The following RABGAP1L variants were observed in gnomAD, a reference collection of about 807,000 sequenced individuals.
RABGAP1L encodes rab GTPase-activating protein 1-like.
Under a neutral mutation model 137.7 loss-of-function variants are expected in RABGAP1L, and 63 were observed. That is an observed-to-expected ratio of 0.46 (90% CI 0.37 to 0.56). The LOEUF is 0.56. RABGAP1L is among the 20% of genes least tolerant of loss of function. The pLI is 0.00. For synonymous variants in RABGAP1L, 431 were observed against 433.7 expected (o/e 0.99, Z 0.08); for missense variants, 1,095 against 1,244.0 (o/e 0.88, Z 1.80).
intron 13 of RABGAP1L, among the ~76,000 whole-genome samples, chr1:174,573,288 T>C (rs981689595): frequency 2.0e-5 from 3 of 150,186 alleles, no homozygotes; most frequent in African/African-American, 7.4e-5. Context: ...TATGTTTATA[T>C]GTATGTGTGT....
intron 14 of RABGAP1L, among the ~76,000 whole-genome samples, chr1:174,662,330 C>T (rs1408019473): frequency 6.6e-6 from 1 of 152,122 alleles, no homozygotes; most frequent in African/African-American, 2.4e-5. Context: ...TCTTGAACTC[C>T]TGACCTCAAG....
chr1:174,900,497 T>C (rs1208009628), intron 19 of RABGAP1L, among the ~76,000 whole-genome samples: 1 of 152,188 alleles, frequency 6.6e-6, no homozygotes, highest in African/African-American at 2.4e-5. Flanking sequence ...AAAGTGTAAA[T>C]GTTGTGGAGA....
intron 19 of RABGAP1L, among the ~76,000 whole-genome samples, chr1:174,820,832 C>T (rs1337896041): frequency 6.6e-6 from 1 of 152,034 alleles, no homozygotes; most frequent in African/African-American, 2.4e-5. Flanking sequence ...GCCTGGCCAA[C>T]ATGGTGAAAA....
At chr1:174,937,967 T>C (rs1665191240) in intron 19 of RABGAP1L, among the ~76,000 whole-genome samples, 1 of 151,824 alleles carries the variant, frequency 6.6e-6, no homozygotes, top group Non-Finnish European at 1.5e-5. Context: ...CGCCTCAGCC[T>C]CCCAAAGTGC....
rs747489348 is a variant in RABGAP1L at position 174,683,518 on chromosome 1, C to G, written c.1825-4C>G. The G allele has an allele frequency of 3.8e-6, 6 of 1,589,244 alleles. No individual in the cohort carries two copies. The highest frequency in any genetic ancestry group is 1.3e-5 in the African/African-American group (1 of 74,302). ...ATATTTCTTTCTTTTCATCTTTTCT[C>G]TAGGCCTACTCTGTGTATGATGAAG... On this transcript the variant is annotated splice_region_variant and splice_polypyrimidine_tract_variant and intron_variant, in intron 14 of 25. Transcript: ENST00000681986.
chr1:174,564,738 A>G (rs1046601784), intron 13 of RABGAP1L, among the ~76,000 whole-genome samples: 2 of 152,208 alleles, frequency 1.3e-5, no homozygotes, highest in African/African-American at 4.8e-5. Flanking sequence ...AGAGATGTCA[A>G]CTTCAGAGAT....
intron 13 of RABGAP1L, among the ~76,000 whole-genome samples, chr1:174,508,676 T>C (rs950626898): frequency 2.6e-5 from 4 of 152,168 alleles, no homozygotes; most frequent in African/African-American, 9.6e-5. Flanking sequence ...AAATTATTCA[T>C]AGTAATGTAT....
intron 13 of RABGAP1L, among the ~76,000 whole-genome samples, chr1:174,603,438 C>T (rs78887105): frequency 0.023 from 3,441 of 152,102 alleles, 62 homozygotes; most frequent in Middle Eastern, 0.085. Flanking sequence ...TTGTCCAAAT[C>T]CGGAGGCGAC....
chr1:174,348,954 G>A lies in RABGAP1L; in HGVS notation c.1466-22025G>A, dbSNP rs866651331. On this transcript the variant is annotated intron_variant, in intron 11 of 25. Coordinates refer to ENST00000681986, the MANE Select transcript of RABGAP1L (RefSeq NM_001366446.1). ...AAAGCCGCCATTGTCATCCTGGCCC[G>A]TTCTCAATGAGCTGTTGGGCACACC... Among the ~76,000 whole-genome samples, 695 of 152,014 alleles carry A rather than the reference G, an allele frequency of 4.6e-3. 2 individuals are homozygous for A. The highest frequency in any genetic ancestry group is 0.014 in the African/African-American group (571 of 41,480).
At chr1:174,348,193 A>C (rs1682629713) in intron 11 of RABGAP1L, among the ~76,000 whole-genome samples, 1 of 151,096 alleles carries the variant, frequency 6.6e-6, no homozygotes, top group Non-Finnish European at 1.5e-5. Flanking sequence ...GTTACCCTGA[A>C]GCTTGTAAAT....
At chr1:174,220,919 T>C in intron 2 of RABGAP1L, 53 bp from the exon 3 acceptor site, 1 of 1,383,936 alleles carries the variant, frequency 7.2e-7, no homozygotes, top group Non-Finnish European at 9.6e-7. Context: ...TCATAAAATT[T>C]AGCTTCAGAA....
At chr1:174,485,893 A>G (rs934114820) in intron 13 of RABGAP1L, among the ~76,000 whole-genome samples, 4 of 152,068 alleles carry the variant, frequency 2.6e-5, no homozygotes, top group Non-Finnish European at 2.9e-5. Context: ...TTATTTTTCT[A>G]AATAGTTTGA....
intron 18 of RABGAP1L, among the ~76,000 whole-genome samples, chr1:174,777,779 A>G (rs1686645878): frequency 6.6e-6 from 1 of 152,248 alleles, no homozygotes; most frequent in African/African-American, 2.4e-5. Flanking sequence ...TGAAGGGCAG[A>G]TGGGACATTG....
chr1:174,376,122 CAG>C (rs546217947), intron 12 of RABGAP1L, among the ~76,000 whole-genome samples: 6 of 135,424 alleles, frequency 4.4e-5, no homozygotes, highest in African/African-American at 1.7e-4. Context: ...GAGAGAAAGA[CAG>C]AGAGAGATAG....
intron 14 of RABGAP1L, among the ~76,000 whole-genome samples, chr1:174,656,873 C>T (rs535169744): frequency 1.1e-4 from 17 of 152,238 alleles, no homozygotes; most frequent in African/African-American, 2.9e-4. Flanking sequence ...TTTGAACATG[C>T]GTTTGTATTA....
intron 19 of RABGAP1L, among the ~76,000 whole-genome samples, chr1:174,851,058 A>T (rs1401156716): frequency 6.6e-6 from 1 of 152,236 alleles, no homozygotes; most frequent in East Asian, 1.9e-4. Flanking sequence ...CCCAGTCTCC[A>T]GATGAGAGTC....
chr1:174,635,171 A>G (rs1327953703), intron 13 of RABGAP1L, among the ~76,000 whole-genome samples: 1 of 152,158 alleles, frequency 6.6e-6, no homozygotes, highest in Non-Finnish European at 1.5e-5. Flanking sequence ...TATTGGAACC[A>G]TTTAAACACA....
At chr1:174,877,274 CCT>C (rs1248410991) in intron 19 of RABGAP1L, 4 of 732,814 alleles carry the variant, frequency 5.5e-6, no homozygotes, top group Non-Finnish European at 8.9e-6. Flanking sequence ...AGATAAGAAA[CCT>C]CTTTTAGTTT....
intron 13 of RABGAP1L, among the ~76,000 whole-genome samples, chr1:174,508,085 G>A (rs1661997605): frequency 1.3e-5 from 2 of 152,058 alleles, no homozygotes; most frequent in Admixed American, 6.6e-5. Flanking sequence ...ACAAATGGAA[G>A]CATTTCTTTT....
Sources: allele counts gnomAD v4.1 joint callset (sites outside exome capture counted in the v4.1 genomes callset), GRCh38; gene constraint gnomAD v4.1.1; transcripts MANE v1.5; gene names NCBI Gene and HGNC (gene_info 2026-07-23, HGNC 2026-07-21).